Variants in ESF1 observed in about 807,000 individuals in gnomAD.
The protein encoded by ESF1 is ESF1 homolog.
In ESF1, 58 loss-of-function variants were observed where a neutral mutation model predicts 92.0. The ratio of observed to expected loss-of-function variants is 0.63; its 90% CI spans 0.51 to 0.78. The LOEUF is 0.78. Ranked by LOEUF, ESF1 falls within the 30% of genes least tolerant of loss-of-function variation. ESF1 has a pLI of 0.00. For synonymous variants in ESF1, 321 were observed against 313.7 expected (o/e 1.02, Z -0.24); for missense variants, 922 against 989.1 (o/e 0.93, Z 0.91).
chr20:13,775,564 G>C (rs979812975), intron 3 of ESF1, among the ~76,000 whole-genome samples: 1 of 152,168 alleles, frequency 6.6e-6, no homozygotes, highest in Non-Finnish European at 1.5e-5. Context: ...ATGCATGCAT[G>C]AGTAAGGAAG....
intron 7 of ESF1, 70 bp from the exon 8 acceptor site, chr20:13,766,994 T>C: frequency 6.8e-7 from 1 of 1,467,804 alleles, no homozygotes; most frequent in Non-Finnish European, 9.3e-7. Context: ...TTAAAGAATA[T>C]ATACTATTAA....
Position 13,776,285 on chromosome 20 carries a change from A to T in ESF1, c.638-15T>A. The T allele has an allele frequency of 1.9e-6, 3 of 1,585,520 alleles. No individual in the cohort carries two copies. The highest frequency in any genetic ancestry group is 2.6e-6 in the Non-Finnish European group (3 of 1,167,772). ...GAGTTGAACCACTGCAAAATGTTAAAGGGGAAAGAAATTAAGAAAAGATAT... is the reference window on the plus strand; with the variant it reads ...GAGTTGAACCACTGCAAAATGTTAATGGGGAAAGAAATTAAGAAAAGATAT... On this transcript the variant is annotated splice_polypyrimidine_tract_variant and intron_variant, in intron 2 of 13. Coordinates refer to ENST00000617257, the MANE Select transcript of ESF1 (RefSeq NM_001276380.2).
In ESF1 at chr20:13,784,878, A is replaced by C. The variant is rs1376573002; in HGVS notation, c.-44+2T>G. On this transcript the variant is annotated splice_donor_variant, in intron 1 of 13. Transcript: ENST00000617257. LOFTEE classifies it low-confidence loss of function (5UTR_SPLICE). Reference sequence around the variant, plus strand: ...CTTCAACTCCAGTCCATCCCCACTCACCGTCCGCAGTCCTACCAAGCCTCA... The same window carrying C: ...CTTCAACTCCAGTCCATCCCCACTCCCCGTCCGCAGTCCTACCAAGCCTCA... 2 of 608,050 alleles carry C rather than the reference A, an allele frequency of 3.3e-6. No homozygotes were observed. The highest frequency in any genetic ancestry group is 5.8e-6 in the Non-Finnish European group (2 of 343,896). The allele number at this position is 608,050 out of a possible 1,614,324, so 37.7% of individuals were successfully genotyped here.
chr20:13,748,583 T>C (rs1178224590), intron 9 of ESF1, among the ~76,000 whole-genome samples: 1 of 69,262 alleles, frequency 1.4e-5, no homozygotes, highest in Non-Finnish European at 2.6e-5. Context: ...TGTATATATA[T>C]ATATATATAT....
At position 13,728,469 on chromosome 20, in the gene ESF1, A is replaced by C; in HGVS notation, c.1951-4T>G. 6.3e-7 allele frequency: 1 copy of C among 1,590,304 alleles called. No homozygotes were observed. Among genetic ancestry groups the C allele is most frequent in the Non-Finnish European group, 8.6e-7 (1 of 1,169,388 alleles). On this transcript the variant is annotated splice_polypyrimidine_tract_variant and splice_region_variant and intron_variant, in intron 10 of 13. Transcript: ENST00000617257. Reference sequence around the variant, plus strand: ...CACTGGCCTCTTCAGCAAGAGCCTTAAAAGTTGAATATAAAAATACAAAAT... The same window carrying C: ...CACTGGCCTCTTCAGCAAGAGCCTTCAAAGTTGAATATAAAAATACAAAAT...
intron 9 of ESF1, among the ~76,000 whole-genome samples, chr20:13,741,374 G>T (rs1568715245): frequency 6.6e-6 from 1 of 152,072 alleles, no homozygotes; most frequent in East Asian, 1.9e-4. Flanking sequence ...ATACAAGCTG[G>T]CCTACAGGTG....
At chr20:13,725,213 T>C (rs545754525) in intron 11 of ESF1, among the ~76,000 whole-genome samples, 1 of 152,324 alleles carries the variant, frequency 6.6e-6, no homozygotes, top group African/African-American at 2.4e-5. Context: ...TATAAATCCA[T>C]AAACCAATCA....
intron 9 of ESF1, among the ~76,000 whole-genome samples, chr20:13,752,364 C>G (rs905184547): frequency 6.6e-6 from 1 of 152,178 alleles, no homozygotes; most frequent in East Asian, 1.9e-4. Flanking sequence ...TCCTCCCCAC[C>G]ACCAAAATCT....
rs891341330 is a variant in ESF1, at chr20:13,784,889, T to G, written c.-53A>C. On this transcript the variant is annotated 5_prime_UTR_variant, in exon 1 of 14. Coordinates refer to ENST00000617257, the MANE Select transcript of ESF1 (RefSeq NM_001276380.2). ...GTCCATCCCCACTCACCGTCCGCAG[T>G]CCTACCAAGCCTCACGTGGGGCTCA... 1 of 620,052 alleles carries G rather than the reference T, an allele frequency of 1.6e-6. No individual in the cohort carries two copies. The highest frequency in any genetic ancestry group is 2.8e-6 in the Non-Finnish European group (1 of 352,732). The allele number at this position is 620,052 out of a possible 1,614,324, so 38.4% of individuals were successfully genotyped here. A position where few individuals can be genotyped will look rare whatever the true frequency, so the allele number is the denominator to read the frequency against.
chr20:13,718,756 C>T, intron 12 of ESF1, 152 bp downstream of exon 12: 1 of 405,286 alleles, frequency 2.5e-6, no homozygotes, highest in Non-Finnish European at 4.1e-6. Flanking sequence ...TTAGAAACTA[C>T]ACTGCTAAAA....
intron 11 of ESF1, among the ~76,000 whole-genome samples, chr20:13,728,076 TC>T (rs1284231537): frequency 4.6e-5 from 7 of 152,246 alleles, no homozygotes; most frequent in Admixed American, 3.9e-4. Flanking sequence ...TTCCTCTCAT[TC>T]TTTTATAGAG....
rs889810230 is a variant in ESF1 at position 13,728,423 on chromosome 20, C to A, written c.1993G>T (p.Val665Phe). Residue 665 changes from valine to phenylalanine, a missense_variant, in exon 11 of 14, where the codon GTT (valine) becomes TTT (phenylalanine). Physicochemically the swap from Val to Phe is conservative, Grantham distance 50. Transcript: ENST00000617257. ...GCAAAGTATGGGTCATTCAAATCAA[C>A]ATCAGAGGGAAGTTCCTCTTCACTG... is the stretch of plus-strand genomic sequence containing the variant. ...EASEEELPSD[V>F]DLNDPYFAEE... 1.9e-6 allele frequency: 3 copies of A among 1,612,956 alleles called. No individual in the cohort carries two copies. The highest frequency in any genetic ancestry group is 2.5e-6 in the Non-Finnish European group (3 of 1,179,592).
chr20:13,728,366 G>A lies in ESF1; in HGVS notation c.2038+12C>T. On this transcript the variant is annotated intron_variant, in intron 11 of 13. Transcript: ENST00000617257. ...GATTCCAGTTGAAAACTACAGATATGAGCTGGCTTACCTATTTGTTTAACT... is the reference window on the plus strand; with the variant it reads ...GATTCCAGTTGAAAACTACAGATATAAGCTGGCTTACCTATTTGTTTAACT... The A allele has an allele frequency of 6.3e-7, 1 of 1,598,578 alleles. No homozygotes were observed. Among genetic ancestry groups the A allele is most frequent in the South Asian group, 1.1e-5 (1 of 88,258 alleles).
intron 13 of ESF1, among the ~76,000 whole-genome samples, chr20:13,716,434 T>C (rs2049825394): frequency 6.6e-6 from 1 of 152,168 alleles, no homozygotes; most frequent in Non-Finnish European, 1.5e-5. Flanking sequence ...TTTGCTGGTC[T>C]GAGGATCACT....
intron 10 of ESF1, among the ~76,000 whole-genome samples, chr20:13,730,744 G>C (rs187558425): frequency 1.3e-5 from 2 of 150,044 alleles, no homozygotes; most frequent in Middle Eastern, 3.4e-3. Flanking sequence ...GGATTCAGCA[G>C]TAACATACTT....
At chr20:13,771,932 T>A (rs1408235989) in intron 5 of ESF1, among the ~76,000 whole-genome samples, 12 of 120,336 alleles carry the variant, frequency 1.0e-4, no homozygotes, top group Non-Finnish European at 2.0e-4. Flanking sequence ...TTTTTTTTTT[T>A]AAGGTTCCAC....
At chr20:13,715,738 A>G (rs2147711925) in intron 13 of ESF1, among the ~76,000 whole-genome samples, 1 of 152,268 alleles carries the variant, frequency 6.6e-6, no homozygotes, top group South Asian at 2.1e-4. Flanking sequence ...TTCTATAAAA[A>G]CTTGTGGTTC....
chr20:13,743,908 T>C (rs2050031298), intron 9 of ESF1, among the ~76,000 whole-genome samples: 1 of 152,218 alleles, frequency 6.6e-6, no homozygotes, highest in Non-Finnish European at 1.5e-5. Context: ...CTTTGTCAAT[T>C]AAATATTTTT....
chr20:13,749,919 C>A (rs550913517), intron 9 of ESF1, among the ~76,000 whole-genome samples: 1 of 152,202 alleles, frequency 6.6e-6, no homozygotes, highest in Admixed American at 6.5e-5. Flanking sequence ...CACCCACCCT[C>A]AGTAAAGATT....
Sources: allele counts gnomAD v4.1 joint callset (sites outside exome capture counted in the v4.1 genomes callset), GRCh38; gene constraint gnomAD v4.1.1; transcripts MANE v1.5; gene names NCBI Gene and HGNC (gene_info 2026-07-23, HGNC 2026-07-21).